KCNT2: variants seen among roughly 807,000 people sequenced by gnomAD.
KCNT2 encodes potassium channel subfamily T member 2.
In KCNT2, 67 loss-of-function variants were observed where a neutral mutation model predicts 153.8. That is an observed-to-expected ratio of 0.44 (90% CI 0.36 to 0.53). The LOEUF is 0.53. Among genes scored for constraint, KCNT2 ranks in the 20% least tolerant of loss-of-function variants. KCNT2 has a pLI of 0.00. For synonymous variants in KCNT2, 500 were observed against 458.8 expected (o/e 1.09, Z -1.15); for missense variants, 975 against 1,354.8 (o/e 0.72, Z 4.40).
chr1:196,571,021 A>G (rs1210985945), intron 1 of KCNT2, among the ~76,000 whole-genome samples: 1 of 152,098 alleles, frequency 6.6e-6, no homozygotes, highest in Non-Finnish European at 1.5e-5. Context: ...GACTACCTAT[A>G]TTAGTTCATC....
At chr1:196,586,797 C>T (rs1230332036) in intron 1 of KCNT2, among the ~76,000 whole-genome samples, 6 of 152,002 alleles carry the variant, frequency 3.9e-5, no homozygotes, top group Admixed American at 1.3e-4. Context: ...ACTATATATT[C>T]TTCGTGTTCC....
chr1:196,530,279 T>C (rs932903057), intron 1 of KCNT2, among the ~76,000 whole-genome samples: 2 of 151,928 alleles, frequency 1.3e-5, no homozygotes, highest in Non-Finnish European at 2.9e-5. Flanking sequence ...TTTTGCAAAG[T>C]AGAATATAAA....
intron 1 of KCNT2, among the ~76,000 whole-genome samples, chr1:196,567,746 G>C (rs1660284344): frequency 6.6e-6 from 1 of 152,188 alleles, no homozygotes; most frequent in Non-Finnish European, 1.5e-5. Flanking sequence ...GCTGAGGAGA[G>C]AAGAGAGCAT....
chr1:196,534,260 G>C (rs957522689), intron 1 of KCNT2, among the ~76,000 whole-genome samples: 2 of 152,114 alleles, frequency 1.3e-5, no homozygotes, highest in Admixed American at 6.6e-5. Context: ...TGCTTTGAGA[G>C]AAAATCTTAA....
At chr1:196,435,135 G>GTGTGTGTA (rs747899287) in intron 8 of KCNT2, among the ~76,000 whole-genome samples, 1 of 76,872 alleles carries the variant, frequency 1.3e-5, no homozygotes. Context: ...GTGTGTGTGT[G>GTGTGTGTA]TATGTATATA....
At chr1:196,361,760 A>G (rs1667642200) in intron 14 of KCNT2, among the ~76,000 whole-genome samples, 1 of 152,154 alleles carries the variant, frequency 6.6e-6, no homozygotes, top group Non-Finnish European at 1.5e-5. Context: ...AAACCACTCA[A>G]AAACATACTT....
chr1:196,307,542 G>T (rs1412018707), intron 21 of KCNT2, among the ~76,000 whole-genome samples: 1 of 152,038 alleles, frequency 6.6e-6, no homozygotes, highest in Non-Finnish European at 1.5e-5. Context: ...AGAAAGCATG[G>T]TTTCCCTCTC....
intron 13 of KCNT2, among the ~76,000 whole-genome samples, chr1:196,384,943 C>A (rs925255904): frequency 2.0e-5 from 3 of 151,924 alleles, no homozygotes; most frequent in African/African-American, 4.8e-5. Flanking sequence ...GATTGAGAGA[C>A]CTTCAGACAG....
At position 196,234,765 on chromosome 1, in the gene KCNT2, G is replaced by T. The variant is rs551447777; in HGVS notation, c.3296+1221C>A. On this transcript the variant is annotated intron_variant, in intron 27 of 27. Transcript: ENST00000294725. ...TGCTCAGCATAACAAAATGTTCTCA[G>T]TCCTGCTAGTCTCTGACTTTGTCAC... Among the ~76,000 whole-genome samples, 4 of 151,464 alleles carry T rather than the reference G, an allele frequency of 2.6e-5. No individual in the cohort carries two copies. In the South Asian group the frequency reaches 8.3e-4, roughly 31 times the overall value.
At chr1:196,493,691 C>T (rs1185560172) in intron 1 of KCNT2, among the ~76,000 whole-genome samples, 1 of 152,140 alleles carries the variant, frequency 6.6e-6, no homozygotes, top group East Asian at 1.9e-4. Context: ...TCTCCTAATG[C>T]TATCCCTTCC....
chr1:196,469,337 T>C (rs1226980441), intron 5 of KCNT2, among the ~76,000 whole-genome samples: 1 of 152,134 alleles, frequency 6.6e-6, no homozygotes, highest in African/African-American at 2.4e-5. Context: ...TAATATGTCA[T>C]GGAAGAAAAG....
chr1:196,484,399 T>C (rs570533660), intron 3 of KCNT2, among the ~76,000 whole-genome samples: 1 of 152,114 alleles, frequency 6.6e-6, no homozygotes, highest in Non-Finnish European at 1.5e-5. Context: ...TTTGTTTTAG[T>C]TCCTTGTAAA....
At chr1:196,583,723 A>G (rs1662332549) in intron 1 of KCNT2, among the ~76,000 whole-genome samples, 1 of 152,058 alleles carries the variant, frequency 6.6e-6, no homozygotes, top group Admixed American at 6.6e-5. Context: ...GAAAAAAAAA[A>G]TTGTTCATTG....
intron 8 of KCNT2, among the ~76,000 whole-genome samples, chr1:196,461,850 ATG>A (rs1677181314): frequency 6.6e-6 from 1 of 151,736 alleles, no homozygotes; most frequent in Non-Finnish European, 1.5e-5. Context: ...GGCACTAAAC[ATG>A]TGTCTCTTGC....
intron 1 of KCNT2, among the ~76,000 whole-genome samples, chr1:196,576,375 A>G (rs1022016600): frequency 4.6e-5 from 7 of 152,132 alleles, no homozygotes; most frequent in Admixed American, 1.3e-4. Context: ...ATTTGAATAG[A>G]TGTTTTTCTA....
chr1:196,269,062 A>G (rs1361599740), intron 25 of KCNT2, among the ~76,000 whole-genome samples: 1 of 152,182 alleles, frequency 6.6e-6, no homozygotes, highest in Non-Finnish European at 1.5e-5. Flanking sequence ...AAAGGCGTAC[A>G]ATCATAAACA....
chr1:196,282,691 C>G lies in KCNT2; in HGVS notation c.2698-335G>C, dbSNP rs151318511. ...AATGAAATGATGACTATCATAAAAA[C>G]TTGAAACAATTAAAACAAATTTTCA... On this transcript the variant is annotated intron_variant, in intron 23 of 27. Transcript: ENST00000294725. Among the ~76,000 whole-genome samples, 182 of 152,204 alleles carry G rather than the reference C, an allele frequency of 1.2e-3. 1 individual carries two copies. The highest frequency in any genetic ancestry group is 4.2e-3 in the African/African-American group (176 of 41,574).
intron 12 of KCNT2, among the ~76,000 whole-genome samples, chr1:196,419,544 T>C (rs1202738911): frequency 6.6e-6 from 1 of 151,732 alleles, no homozygotes; most frequent in Admixed American, 6.6e-5. Context: ...TAGTATTCCA[T>C]GGTGTATATG....
chr1:196,570,448 TG>T (rs1294622308), intron 1 of KCNT2, among the ~76,000 whole-genome samples: 1 of 152,134 alleles, frequency 6.6e-6, no homozygotes, highest in East Asian at 1.9e-4. Context: ...TAGACATACT[TG>T]TGGGAACCTC....
Sources: allele counts gnomAD v4.1 joint callset (sites outside exome capture counted in the v4.1 genomes callset), GRCh38; gene constraint gnomAD v4.1.1; transcripts MANE v1.5; gene names NCBI Gene and HGNC (gene_info 2026-07-23, HGNC 2026-07-21).